EPHA6: variants seen among roughly 807,000 people sequenced by gnomAD.
EPHA6 encodes the protein EPH receptor A6.
Under a neutral mutation model 112.0 loss-of-function variants are expected in EPHA6, and 50 were observed. That is an observed-to-expected ratio of 0.45 (90% confidence interval 0.36 to 0.56). The LOEUF (loss-of-function observed/expected upper bound fraction) is 0.56. Ranked by LOEUF, EPHA6 falls within the 20% of genes least tolerant of loss-of-function variation. The pLI, the probability that EPHA6 is intolerant of heterozygous loss-of-function variation, is 0.00. For synonymous variants in EPHA6, 529 were observed against 490.7 expected, an observed-to-expected ratio of 1.08 and a Z score of -1.03; for missense variants, 1,280 against 1,417.4, an observed-to-expected ratio of 0.90 and a Z score of 1.56.
intron 14 of EPHA6, among the ~76,000 whole-genome samples, chr3:97,661,978 C>T (rs1257416690): frequency 1.3e-5 from 2 of 152,132 alleles, no homozygotes; most frequent in Non-Finnish European, 2.9e-5. Context: ...TATCCCTCTT[C>T]CCCCAGTATA....
At chr3:97,646,435 T>G in intron 14 of EPHA6, 1 of 720,882 alleles carries the variant, frequency 1.4e-6, no homozygotes. Context: ...AAGTAGAAAT[T>G]CTAATATTTT....
chr3:97,445,221 A>G (rs1219292862), intron 6 of EPHA6, among the ~76,000 whole-genome samples: 2 of 152,064 alleles, frequency 1.3e-5, no homozygotes, highest in African/African-American at 4.8e-5. Context: ...TGCTCATCCG[A>G]GGAGAGGTCA....
intron 13 of EPHA6, chr3:97,612,435 G>C (rs1217017068): frequency 2.5e-6 from 1 of 405,346 alleles, no homozygotes; most frequent in South Asian, 1.9e-5. Context: ...AATCTAAATT[G>C]CTGCTAAAAA....
intron 11 of EPHA6, among the ~76,000 whole-genome samples, chr3:97,561,040 CTTAA>C (rs941017000): frequency 6.6e-6 from 1 of 151,908 alleles, no homozygotes; most frequent in Admixed American, 6.6e-5. Flanking sequence ...AGATGGTAAA[CTTAA>C]TTGATCAATG....
intron 12 of EPHA6, among the ~76,000 whole-genome samples, chr3:97,604,639 G>A (rs978195961): frequency 6.6e-6 from 1 of 151,376 alleles, no homozygotes; most frequent in African/African-American, 2.4e-5. Flanking sequence ...TTTCTCATCC[G>A]ATTATTTCAA....
intron 3 of EPHA6, among the ~76,000 whole-genome samples, chr3:97,135,585 A>G (rs2075747340): frequency 6.6e-6 from 1 of 152,102 alleles, no homozygotes; most frequent in African/African-American, 2.4e-5. Context: ...CAAACTTTAA[A>G]GTGTATTCAA....
At chr3:97,479,024 G>C (rs1042769556) in intron 8 of EPHA6, among the ~76,000 whole-genome samples, 2 of 152,022 alleles carry the variant, frequency 1.3e-5, no homozygotes, top group African/African-American at 4.8e-5. Context: ...CTAGCTATTA[G>C]TAGTCATGTA....
chr3:96,854,208 C>G (rs2035561399), intron 1 of EPHA6, among the ~76,000 whole-genome samples: 1 of 133,186 alleles, frequency 7.5e-6, no homozygotes, highest in Admixed American at 8.1e-5. Context: ...GAGATGGAGT[C>G]TCGCTCTATC....
intron 3 of EPHA6, among the ~76,000 whole-genome samples, chr3:97,224,690 C>T (rs572932627): frequency 2.6e-5 from 4 of 151,878 alleles, no homozygotes; most frequent in East Asian, 3.9e-4. Context: ...TAATTTTAAA[C>T]GGTCTTATTC....
At chr3:97,715,288 T>C (rs2034163668) in intron 14 of EPHA6, among the ~76,000 whole-genome samples, 1 of 152,236 alleles carries the variant, frequency 6.6e-6, no homozygotes, top group Admixed American at 6.5e-5. Flanking sequence ...TCCCTTCATT[T>C]TGCAGTTCTG....
intron 10 of EPHA6, among the ~76,000 whole-genome samples, chr3:97,491,456 G>GT (rs1185003109): frequency 2.6e-5 from 4 of 152,156 alleles, no homozygotes; most frequent in South Asian, 2.1e-4. Context: ...GCCAGGTACA[G>GT]TCGGGGGGTC....
At chr3:97,462,708 A>T (rs934953090) in intron 7 of EPHA6, among the ~76,000 whole-genome samples, 3 of 152,208 alleles carry the variant, frequency 2.0e-5, no homozygotes, top group Non-Finnish European at 2.9e-5. Context: ...TTTACTTTTC[A>T]AATTATTGGA....
intron 6 of EPHA6, among the ~76,000 whole-genome samples, chr3:97,424,403 C>T (rs1409334163): frequency 6.6e-6 from 1 of 152,100 alleles, no homozygotes; most frequent in African/African-American, 2.4e-5. Flanking sequence ...CCCTACAGTC[C>T]CCCAAATCTT....
At chr3:96,855,371 G>T (rs189996193) in intron 1 of EPHA6, among the ~76,000 whole-genome samples, 1 of 152,204 alleles carries the variant, frequency 6.6e-6, no homozygotes, top group Admixed American at 6.5e-5. Flanking sequence ...ATATTATTCT[G>T]CTTACGACAT....
intron 6 of EPHA6, among the ~76,000 whole-genome samples, chr3:97,425,286 T>C (rs1018054558): frequency 2.6e-5 from 4 of 152,196 alleles, no homozygotes; most frequent in Non-Finnish European, 4.4e-5. Context: ...CAGAGGTTCT[T>C]CATGAAGGCT....
At chr3:96,818,708 T>C (rs1308229004) in intron 1 of EPHA6, among the ~76,000 whole-genome samples, 2 of 151,942 alleles carry the variant, frequency 1.3e-5, no homozygotes, top group Non-Finnish European at 2.9e-5. Flanking sequence ...ATTGAGGAAA[T>C]TTTTAAAGAT....
chr3:97,196,635 T>A (rs2077449117), intron 3 of EPHA6, among the ~76,000 whole-genome samples: 1 of 152,034 alleles, frequency 6.6e-6, no homozygotes, highest in Non-Finnish European at 1.5e-5. Flanking sequence ...TATCTAAGTA[T>A]TCAACGGGAA....
At chr3:97,235,783 A>T (rs886986824) in intron 4 of EPHA6, among the ~76,000 whole-genome samples, 1 of 151,898 alleles carries the variant, frequency 6.6e-6, no homozygotes, top group African/African-American at 2.4e-5. Flanking sequence ...TCCCTAACCA[A>T]CTTTAACTTT....
At chr3:96,890,220 G>A (rs1488952034) in intron 2 of EPHA6, among the ~76,000 whole-genome samples, 1 of 151,794 alleles carries the variant, frequency 6.6e-6, no homozygotes, top group Non-Finnish European at 1.5e-5. Context: ...AACAGCAAAA[G>A]GCAACACACA....
Sources: allele counts gnomAD v4.1 joint callset (sites outside exome capture counted in the v4.1 genomes callset), GRCh38; gene constraint gnomAD v4.1.1; transcripts MANE v1.5; gene names NCBI Gene and HGNC (gene_info 2026-07-23, HGNC 2026-07-21).